The following NTN1 variants were observed in gnomAD, a reference collection of about 807,000 sequenced individuals.
The protein encoded by NTN1 is netrin-1.
Under a neutral mutation model 54.2 loss-of-function variants are expected in NTN1, and 11 were observed. That is an observed-to-expected ratio of 0.20 (90% confidence interval 0.13 to 0.34). The LOEUF (loss-of-function observed/expected upper bound fraction) is 0.34, where lower values mean the gene tolerates loss of function less well. NTN1 is among the 10% of genes least tolerant of loss of function. NTN1 has a pLI of 1.00. For synonymous variants in NTN1, 371 were observed against 382.0 expected (o/e 0.97, Z 0.33); for missense variants, 740 against 893.1 (o/e 0.83, Z 2.18).
intron 2 of NTN1, among the ~76,000 whole-genome samples, chr17:9,096,460 T>C (rs1181158557): frequency 7.1e-6 from 1 of 141,312 alleles, no homozygotes; most frequent in Non-Finnish European, 1.5e-5. Flanking sequence ...AAACTCTGCC[T>C]CCCGGGTTCA....
intron 2 of NTN1, among the ~76,000 whole-genome samples, chr17:9,036,717 G>T (rs959912465): frequency 2.0e-5 from 3 of 152,140 alleles, no homozygotes; most frequent in Admixed American, 2.0e-4. Context: ...ATATTCTGTA[G>T]GTCTAGTGGA....
intron 2 of NTN1, among the ~76,000 whole-genome samples, chr17:9,096,264 G>A (rs962270634): frequency 2.4e-4 from 35 of 148,166 alleles, no homozygotes; most frequent in African/African-American, 7.7e-4. Context: ...TTTTCCAATT[G>A]TTTGCTATTG....
chr17:9,069,277 A>G (rs570371752), intron 2 of NTN1, among the ~76,000 whole-genome samples: 48 of 152,142 alleles, frequency 3.2e-4, no homozygotes, highest in South Asian at 6.2e-4. Flanking sequence ...TTAAAGGTCT[A>G]TTCAACTAGT....
chr17:9,227,390 AT>A (rs1465868123), intron 6 of NTN1, among the ~76,000 whole-genome samples: 1 of 89,398 alleles, frequency 1.1e-5, no homozygotes, highest in African/African-American at 4.6e-5. Context: ...ACCACACACT[AT>A]CACACAGGCA....
chr17:9,036,570 C>G (rs2091904301), intron 2 of NTN1, among the ~76,000 whole-genome samples: 1 of 151,820 alleles, frequency 6.6e-6, no homozygotes, highest in South Asian at 2.1e-4. Flanking sequence ...TGCCACTTAT[C>G]TTTAATCTGC....
At chr17:9,012,687 C>T in the NTN1 span, among the ~76,000 whole-genome samples, 72 of 152,266 alleles carry the variant, frequency 4.7e-4, no homozygotes, top group African/African-American at 1.6e-3. Context: ...GGGAGTCCTT[C>T]CCCAAGTACC....
intron 2 of NTN1, among the ~76,000 whole-genome samples, chr17:9,143,651 A>G (rs1299861509): frequency 6.6e-6 from 1 of 152,098 alleles, no homozygotes. Context: ...GTTGTTCTTG[A>G]CTGTGTTCTA....
intron 5 of NTN1, among the ~76,000 whole-genome samples, chr17:9,218,275 A>G (rs1409308002): frequency 6.6e-6 from 1 of 152,170 alleles, no homozygotes; most frequent in Non-Finnish European, 1.5e-5. Flanking sequence ...CACGACCTTG[A>G]GCTGGTGAGT....
At chr17:9,017,739 G>A (rs551137986), upstream of NTN1, among the ~76,000 whole-genome samples, 1 of 152,294 alleles carries the variant, frequency 6.6e-6, no homozygotes, top group South Asian at 2.1e-4. Context: ...CCGCTGCTTA[G>A]AGCCTGACAT....
intron 2 of NTN1, among the ~76,000 whole-genome samples, chr17:9,125,228 ATT>A (rs143350408): frequency 1.6e-4 from 23 of 142,638 alleles, no homozygotes; most frequent in African/African-American, 4.4e-4. Context: ...TGTTTGGCTA[ATT>A]TTTTTTTTTT....
intron 5 of NTN1, among the ~76,000 whole-genome samples, chr17:9,216,260 G>A (rs1030683862): frequency 6.6e-6 from 1 of 152,208 alleles, no homozygotes; most frequent in Non-Finnish European, 1.5e-5. Context: ...CAGCCCTTCT[G>A]AAGGGGATTT....
At chr17:9,034,301 A>G (rs554902380) in intron 2 of NTN1, among the ~76,000 whole-genome samples, 1 of 152,070 alleles carries the variant, frequency 6.6e-6, no homozygotes, top group South Asian at 2.1e-4. Flanking sequence ...AGACCTTGGG[A>G]TTTTATCAGC....
At chr17:9,180,777 G>A (rs1478062746) in intron 4 of NTN1, among the ~76,000 whole-genome samples, 1 of 152,174 alleles carries the variant, frequency 6.6e-6, no homozygotes, top group Non-Finnish European at 1.5e-5. Flanking sequence ...CTGTTCGCAG[G>A]GGCTCGCTAA....
intron 5 of NTN1, among the ~76,000 whole-genome samples, chr17:9,193,938 A>AAAAAAAAAAAAAAAAAAAAAAAAAAAAAC (rs796452392): frequency 1.3e-4 from 14 of 108,280 alleles, no homozygotes; most frequent in Non-Finnish European, 2.3e-4. Context: ...AAAAAAAAAA[A>AAAAAAAAAAAAAAAAAAAAAAAAAAAAAC]AAAAAACATT....
chr17:9,173,264 G>A (rs933214282), intron 3 of NTN1: 2 of 152,506 alleles, frequency 1.3e-5, no homozygotes, highest in African/African-American at 4.8e-5. Context: ...TCTTCTTTTG[G>A]TTGCTGATCC....
intron 2 of NTN1, among the ~76,000 whole-genome samples, chr17:9,125,235 T>C (rs1182916146): frequency 6.6e-6 from 1 of 151,854 alleles, no homozygotes; most frequent in Non-Finnish European, 1.5e-5. Flanking sequence ...CTAATTTTTT[T>C]TTTTTTTTGA....
chr17:9,071,417 C>G (rs2092031607), intron 2 of NTN1, among the ~76,000 whole-genome samples: 1 of 152,028 alleles, frequency 6.6e-6, no homozygotes, highest in Admixed American at 6.6e-5. Context: ...TAATTAGACT[C>G]TGTAATCCCT....
chr17:9,032,978 G>A (rs1391739682), intron 2 of NTN1, among the ~76,000 whole-genome samples: 3 of 129,646 alleles, frequency 2.3e-5, no homozygotes, highest in Non-Finnish European at 4.8e-5. Context: ...TTTTTTGACA[G>A]AATCTCACTC....
At chr17:9,197,984 CTCT>C (rs1904682890) in intron 5 of NTN1, among the ~76,000 whole-genome samples, 1 of 152,208 alleles carries the variant, frequency 6.6e-6, no homozygotes, top group African/African-American at 2.4e-5. Flanking sequence ...TTACCCTTCC[CTCT>C]TCTTCTTTGA....
Sources: allele counts gnomAD v4.1 joint callset (sites outside exome capture counted in the v4.1 genomes callset), GRCh38; gene constraint gnomAD v4.1.1; transcripts MANE v1.5; gene names NCBI Gene and HGNC (gene_info 2026-07-23, HGNC 2026-07-21).